EPHA6: variants seen among roughly 807,000 people sequenced by gnomAD.
The protein encoded by EPHA6 is EPH receptor A6.
In EPHA6, 50 loss-of-function variants were observed where a neutral mutation model predicts 112.0. The ratio of observed to expected loss-of-function variants is 0.45; its 90% confidence interval spans 0.36 to 0.56. The LOEUF (loss-of-function observed/expected upper bound fraction) is 0.56, where lower values mean the gene tolerates loss of function less well. Ranked by LOEUF, EPHA6 falls within the 20% of genes least tolerant of loss-of-function variation. The pLI, the probability that EPHA6 is intolerant of heterozygous loss-of-function variation, is 0.00. For missense variants in EPHA6, 1,280 were observed against 1,417.4 expected (o/e 0.90, Z 1.56); for synonymous variants, 529 against 490.7 (o/e 1.08, Z -1.03).
intron 10 of EPHA6, among the ~76,000 whole-genome samples, chr3:97,524,475 TG>T (rs749786093): frequency 1.6e-4 from 24 of 152,262 alleles, no homozygotes; most frequent in South Asian, 6.2e-4. Flanking sequence ...TAAATACATT[TG>T]TTTTTTTAAC....
intron 6 of EPHA6, among the ~76,000 whole-genome samples, chr3:97,410,285 A>G (rs1050674506): frequency 6.6e-6 from 1 of 152,076 alleles, no homozygotes; most frequent in Non-Finnish European, 1.5e-5. Flanking sequence ...AGTAACATGC[A>G]TCTTTGTTTA....
In EPHA6 at chr3:97,347,294, C is replaced by T. The variant is rs533423681; in HGVS notation, c.1607-57856C>T. ...AATTAATTCTCTATTTTTCAAGGAA[C>T]GTGATCTTTTCAGTATTCAGATATA... On this transcript the variant is annotated intron_variant, in intron 5 of 17. Coordinates refer to ENST00000389672, the MANE Select transcript of EPHA6 (RefSeq NM_001080448.3). Among the ~76,000 whole-genome samples, 34 of 152,082 alleles carry T rather than the reference C, an allele frequency of 2.2e-4. 1 individual carries two copies. In the South Asian group the frequency reaches 2.7e-3, roughly 12 times the overall value.
intron 1 of EPHA6, among the ~76,000 whole-genome samples, chr3:96,851,974 A>G (rs1325868035): frequency 1.3e-5 from 2 of 152,160 alleles, no homozygotes; most frequent in Admixed American, 6.5e-5. Context: ...AAATGTAGGG[A>G]AAGTCTTAAT....
At chr3:96,868,175 T>TGAGA (rs879840874) in intron 2 of EPHA6, among the ~76,000 whole-genome samples, 4 of 145,830 alleles carry the variant, frequency 2.7e-5, no homozygotes, top group Non-Finnish European at 5.9e-5. Flanking sequence ...TGTGTGTGTG[T>TGAGA]GAGAGAGAGA....
chr3:97,532,134 C>A (rs757591308), intron 10 of EPHA6, among the ~76,000 whole-genome samples: 3 of 152,012 alleles, frequency 2.0e-5, no homozygotes, highest in Non-Finnish European at 4.4e-5. Context: ...AATAGTATTT[C>A]CTGTGATATA....
At position 96,831,517 on chromosome 3, in the gene EPHA6, AT is replaced by A. The variant is rs1323450775; in HGVS notation, c.385+16520del. ...TATGAGACAGTGTTTGTGATTGTTC[AT>A]TTTTTTTTTTGCCAATTGACACTTT... On this transcript the variant is annotated intron_variant, in intron 1 of 17. Coordinates refer to ENST00000389672, the MANE Select transcript of EPHA6 (RefSeq NM_001080448.3). Among the ~76,000 whole-genome samples, 476 of 144,458 alleles carry A rather than the reference AT, an allele frequency of 3.3e-3. 3 individuals carry two copies. The highest frequency in any genetic ancestry group is 9.1e-3 in the African/African-American group (364 of 39,844). The allele number at this position is 144,458 out of a possible 152,430, so 94.8% of individuals were successfully genotyped here. A position where few individuals can be genotyped will look rare whatever the true frequency, so the allele number is the denominator to read the frequency against.
rs548889644 is a variant in EPHA6, at chr3:96,848,018, G to A, written c.386-18807G>A. Among the ~76,000 whole-genome samples, 4 of 152,204 alleles carry A rather than the reference G, an allele frequency of 2.6e-5. No homozygotes were observed. The South Asian group carries it at 8.3e-4, about 32-fold the overall frequency. On this transcript the variant is annotated intron_variant, in intron 1 of 17. Transcript: ENST00000389672. ...TGCAGTACTGTTAGCTGTAGGAAATGTGTTCATTCATTCTACATAGGCTTG... is the reference window on the plus strand; with the variant it reads ...TGCAGTACTGTTAGCTGTAGGAAATATGTTCATTCATTCTACATAGGCTTG...
chr3:97,504,472 A>G (rs1342532494), intron 10 of EPHA6, among the ~76,000 whole-genome samples: 1 of 152,290 alleles, frequency 6.6e-6, no homozygotes, highest in African/African-American at 2.4e-5. Flanking sequence ...CCTAGTGTGC[A>G]TGTGGGCCCT....
intron 17 of EPHA6, among the ~76,000 whole-genome samples, chr3:97,747,777 T>C (rs1008467121): frequency 6.6e-6 from 1 of 152,110 alleles, no homozygotes; most frequent in African/African-American, 2.4e-5. Flanking sequence ...CAAATAGCTA[T>C]TTAAAATATT....
rs78033127 is a variant in EPHA6 at position 97,692,968 on chromosome 3, A to G, written c.2785-27293A>G. Among the ~76,000 whole-genome samples, 415 of 152,210 alleles carry G rather than the reference A, an allele frequency of 2.7e-3. 3 individuals are homozygous for G. The highest frequency in any genetic ancestry group is 9.6e-3 in the African/African-American group (397 of 41,516). On this transcript the variant is annotated intron_variant, in intron 14 of 17. Transcript: ENST00000389672. The stretch of plus-strand genomic sequence containing the variant: ...TATTATAAGCTGTAATATTATTAGC[A>G]TTTCTTAGGGTCAGCTGTAATGTTT...
At chr3:96,891,484 G>C (rs1003013020) in intron 2 of EPHA6, among the ~76,000 whole-genome samples, 5 of 152,150 alleles carry the variant, frequency 3.3e-5, no homozygotes, top group African/African-American at 1.2e-4. Context: ...ACCGAGATGG[G>C]CAGATCACTT....
chr3:97,384,588 C>A (rs1049783327), intron 5 of EPHA6, among the ~76,000 whole-genome samples: 7 of 152,152 alleles, frequency 4.6e-5, no homozygotes, highest in African/African-American at 1.7e-4. Flanking sequence ...GCCAACATAG[C>A]AGTAGTCAAT....
intron 10 of EPHA6, among the ~76,000 whole-genome samples, chr3:97,494,903 G>A (rs1199252094): frequency 4.6e-5 from 7 of 152,052 alleles, no homozygotes; most frequent in Non-Finnish European, 7.4e-5. Context: ...ATTTCCATCC[G>A]ACATGATGTC....
intron 3 of EPHA6, among the ~76,000 whole-genome samples, chr3:97,001,017 G>GATATATATATATAT (rs57116000): frequency 6.1e-5 from 7 of 114,528 alleles, no homozygotes; most frequent in African/African-American, 2.5e-4. Context: ...GTCAGAAATT[G>GATATATATATATAT]ATATATATAT....
chr3:97,654,381 G>A (rs2094125320), intron 14 of EPHA6, among the ~76,000 whole-genome samples: 2 of 151,806 alleles, frequency 1.3e-5, no homozygotes, highest in Non-Finnish European at 2.9e-5. Flanking sequence ...CTACTGTTTT[G>A]GTAGGTACTG....
chr3:97,508,751 G>A (rs2092306122), intron 10 of EPHA6, among the ~76,000 whole-genome samples: 1 of 152,104 alleles, frequency 6.6e-6, no homozygotes, highest in Non-Finnish European at 1.5e-5. Flanking sequence ...AACATTGACA[G>A]TGGGGTGTTA....
intron 14 of EPHA6, among the ~76,000 whole-genome samples, chr3:97,700,005 C>T (rs1003685675): frequency 1.3e-5 from 2 of 152,140 alleles, no homozygotes; most frequent in Admixed American, 6.5e-5. Context: ...AAAACCAGGG[C>T]AACTGGATGG....
chr3:97,752,675 A>G lies in EPHA6; in HGVS notation c.*3974A>G, dbSNP rs866975646. Among the ~76,000 whole-genome samples, 3 of 152,252 alleles carry G rather than the reference A, an allele frequency of 2.0e-5. No homozygotes were observed. Among genetic ancestry groups the G allele is most frequent in the Middle Eastern group, 6.8e-3 (2 of 294 alleles). On this transcript the variant is annotated 3_prime_UTR_variant, in exon 18 of 18. Transcript: ENST00000389672. ...TAATTGAGAACATTTGTACTCACAG[A>G]GGATATGGGTTCTGGCTTTTCCTTA...
intron 10 of EPHA6, among the ~76,000 whole-genome samples, chr3:97,487,378 T>C (rs2091723130): frequency 6.6e-6 from 1 of 152,208 alleles, no homozygotes; most frequent in African/African-American, 2.4e-5. Context: ...AAGCATGATA[T>C]CACACCTGAC....
Sources: allele counts gnomAD v4.1 joint callset (sites outside exome capture counted in the v4.1 genomes callset), GRCh38; gene constraint gnomAD v4.1.1; transcripts MANE v1.5; gene names NCBI Gene and HGNC (gene_info 2026-07-23, HGNC 2026-07-21).